Variants in TBC1D1 observed in about 807,000 individuals in gnomAD.
TBC1D1 encodes the protein TBC1 domain family member 1, also known as TBC1 (tre-2/USP6, BUB2, cdc16) domain family, member 1.
TBC1D1 carries 89 observed loss-of-function variants against 125.6 expected under a neutral mutation model. The ratio of observed to expected loss-of-function variants is 0.71; its 90% CI spans 0.60 to 0.85. The LOEUF (loss-of-function observed/expected upper bound fraction) is 0.85. Ranked by LOEUF, TBC1D1 falls within the 40% of genes least tolerant of loss-of-function variation. The pLI, the probability that TBC1D1 is intolerant of heterozygous loss-of-function variation, is 0.00. For synonymous variants in TBC1D1, 565 were observed against 564.1 expected, an observed-to-expected ratio of 1.00 and a Z score of -0.02; for missense variants, 1,377 against 1,469.2, an observed-to-expected ratio of 0.94 and a Z score of 1.03.
At chr4:38,028,130 C>CAAA (rs543949534) in intron 7 of TBC1D1, among the ~76,000 whole-genome samples, 3 of 150,250 alleles carry the variant, frequency 2.0e-5, no homozygotes, top group Admixed American at 6.6e-5. Flanking sequence ...AACAAACAAA[C>CAAA]AAAAAAAACA....
At chr4:38,087,580 A>T (rs929321588) in intron 12 of TBC1D1, among the ~76,000 whole-genome samples, 1 of 152,084 alleles carries the variant, frequency 6.6e-6, no homozygotes, top group Non-Finnish European at 1.5e-5. Context: ...GGTGGCTCAC[A>T]CCTGTAATTC....
At chr4:38,135,864 G>GTGTA (rs1553861666) in intron 19 of TBC1D1, among the ~76,000 whole-genome samples, 19 of 149,908 alleles carry the variant, frequency 1.3e-4, no homozygotes, top group Admixed American at 2.6e-4. Context: ...ATGTGTGTGT[G>GTGTA]TATATATATG....
chr4:37,971,673 G>A (rs897625460), intron 2 of TBC1D1, among the ~76,000 whole-genome samples: 18 of 152,100 alleles, frequency 1.2e-4, no homozygotes, highest in Admixed American at 5.2e-4. Context: ...TTTCCACAGA[G>A]CAACTATATA....
At chr4:37,993,431 A>G (rs1330161947) in intron 2 of TBC1D1, among the ~76,000 whole-genome samples, 1 of 152,058 alleles carries the variant, frequency 6.6e-6, no homozygotes, top group Non-Finnish European at 1.5e-5. Flanking sequence ...TGAAAATGTC[A>G]TTAGGATTCA....
intron 4 of TBC1D1, 116 bp downstream of exon 4, chr4:38,018,559 T>C (rs1743308941): frequency 1.7e-6 from 1 of 603,230 alleles, no homozygotes; most frequent in Admixed American, 3.7e-5. Flanking sequence ...CTAAGTACTG[T>C]ACTTGATTTG....
chr4:38,092,335 A>G (rs969108365), intron 13 of TBC1D1, among the ~76,000 whole-genome samples: 3 of 152,254 alleles, frequency 2.0e-5, no homozygotes, highest in Non-Finnish European at 2.9e-5. Context: ...TCTGGGCACA[A>G]AAACATCACC....
chr4:38,007,076 G>A (rs567856638), intron 2 of TBC1D1: 129 of 332,846 alleles, frequency 3.9e-4, no homozygotes, highest in African/African-American at 2.6e-3. Flanking sequence ...GACGAGACAT[G>A]CGCAGGGCAT....
At chr4:37,912,815 G>T (rs930458577) in intron 2 of TBC1D1, among the ~76,000 whole-genome samples, 1 of 152,148 alleles carries the variant, frequency 6.6e-6, no homozygotes, top group Non-Finnish European at 1.5e-5. Context: ...CTTAATATTG[G>T]GCTTCCCAGC....
intron 17 of TBC1D1, among the ~76,000 whole-genome samples, chr4:38,119,194 A>G (rs907232583): frequency 1.3e-5 from 2 of 152,214 alleles, no homozygotes; most frequent in African/African-American, 4.8e-5. Flanking sequence ...AAATGTTCAA[A>G]GACATTGATA....
intron 12 of TBC1D1, chr4:38,060,642 G>A (rs16994165): frequency 0.068 from 87,479 of 1,288,356 alleles, 3,453 homozygotes; most frequent in Admixed American, 0.15. Flanking sequence ...GATCGCCATC[G>A]TTGGCCTGTA....
chr4:37,931,517 G>A (rs542299911), intron 2 of TBC1D1, among the ~76,000 whole-genome samples: 8 of 151,560 alleles, frequency 5.3e-5, no homozygotes, highest in South Asian at 2.1e-4. Context: ...TTGCTCTGTC[G>A]CTCAGGCTAG....
At chr4:38,107,413 G>GTA (rs1761503524) in intron 15 of TBC1D1, among the ~76,000 whole-genome samples, 1 of 152,168 alleles carries the variant, frequency 6.6e-6, no homozygotes, top group Non-Finnish European at 1.5e-5. Flanking sequence ...AAGGTGTGTA[G>GTA]TATAAAGCAA....
chr4:38,065,813 T>A (rs1753629977), intron 12 of TBC1D1, among the ~76,000 whole-genome samples: 1 of 152,056 alleles, frequency 6.6e-6, no homozygotes, highest in African/African-American at 2.4e-5. Context: ...ACCCAGCTAA[T>A]TTTTTGTATC....
intron 8 of TBC1D1, among the ~76,000 whole-genome samples, chr4:38,036,414 T>TA (rs1178500015): frequency 6.6e-6 from 1 of 152,226 alleles, no homozygotes; most frequent in Non-Finnish European, 1.5e-5. Context: ...CTTCAAAACA[T>TA]ACACATTTTA....
At chr4:38,025,482 T>C (rs1244369403) in intron 6 of TBC1D1, among the ~76,000 whole-genome samples, 1 of 152,160 alleles carries the variant, frequency 6.6e-6, no homozygotes, top group African/African-American at 2.4e-5. Context: ...CCTCATGAAT[T>C]AGGCATCCTG....
intron 2 of TBC1D1, among the ~76,000 whole-genome samples, chr4:37,999,439 A>G (rs1480429949): frequency 6.6e-6 from 1 of 152,224 alleles, no homozygotes; most frequent in Non-Finnish European, 1.5e-5. Context: ...TGCCTCACAC[A>G]TTAAAGTGTG....
intron 2 of TBC1D1, among the ~76,000 whole-genome samples, chr4:37,928,534 G>C (rs1722588540): frequency 6.6e-6 from 1 of 152,112 alleles, no homozygotes; most frequent in South Asian, 2.1e-4. Flanking sequence ...CCACTGCTCT[G>C]TTTTGCTTCT....
intron 2 of TBC1D1, among the ~76,000 whole-genome samples, chr4:37,966,263 C>A (rs1731034588): frequency 6.6e-6 from 1 of 152,186 alleles, no homozygotes; most frequent in Admixed American, 6.5e-5. Context: ...AGAAAGACTC[C>A]ACAAATCCAT....
chr4:37,942,538 T>G (rs550261702), intron 2 of TBC1D1, among the ~76,000 whole-genome samples: 57 of 151,718 alleles, frequency 3.8e-4, no homozygotes, highest in African/African-American at 1.2e-3. Context: ...AATATTGGTG[T>G]TTTTTTTGTT....
Sources: allele counts gnomAD v4.1 joint callset (sites outside exome capture counted in the v4.1 genomes callset), GRCh38; gene constraint gnomAD v4.1.1; transcripts MANE v1.5; gene names NCBI Gene and HGNC (gene_info 2026-07-23, HGNC 2026-07-21).